Variants in PPWD1 observed in about 807,000 individuals in gnomAD.
PPWD1 encodes peptidylprolyl isomerase domain and WD repeat-containing protein 1.
PPWD1 carries 43 observed loss-of-function variants against 68.8 expected under a neutral mutation model. The observed-to-expected ratio is 0.62, with a 90% confidence interval of 0.49 to 0.81. The LOEUF (loss-of-function observed/expected upper bound fraction) is 0.81. PPWD1 is among the 30% of genes least tolerant of loss of function. The pLI is 0.00. For synonymous variants in PPWD1, 232 were observed against 258.7 expected (o/e 0.90, Z 0.99); for missense variants, 672 against 804.8 (o/e 0.83, Z 2.00).
intron 5 of PPWD1, chr5:65,576,415 C>T: frequency 2.2e-6 from 2 of 889,820 alleles, no homozygotes; most frequent in South Asian, 5.2e-5. Flanking sequence ...CTCACTCTGT[C>T]CCCCAGGCCA....
intron 10 of PPWD1, 37 bp downstream of exon 10, chr5:65,586,218 A>G (rs1471567649): frequency 6.3e-7 from 1 of 1,575,910 alleles, no homozygotes; most frequent in Non-Finnish European, 8.6e-7. Context: ...CTACAGATTG[A>G]TAGGTTATGA....
At chr5:65,582,305 A>G (rs1277781024) in intron 7 of PPWD1, among the ~76,000 whole-genome samples, 2 of 152,186 alleles carry the variant, frequency 1.3e-5, no homozygotes, top group East Asian at 1.9e-4. Flanking sequence ...CTAGACCCCA[A>G]GGATCTGAGA....
In PPWD1 at chr5:65,583,064, G is replaced by C. The variant is rs201915198; in HGVS notation, c.1377G>C (p.Thr459=). The C allele has an allele frequency of 6.3e-7, 1 of 1,597,030 alleles. No homozygotes were observed. Among genetic ancestry groups the C allele is most frequent in the East Asian group, 2.2e-5 (1 of 44,496 alleles). The part of the protein sequence containing the change: ...YMFTKREPED[T]KSADSDRDVF... Reference sequence around the variant, plus strand: ...TTACCAAACGAGAACCAGAAGATACGAAAAGTGCAGATTCTGATCGAGATG... The same window carrying C: ...TTACCAAACGAGAACCAGAAGATACCAAAAGTGCAGATTCTGATCGAGATG... The change falls in exon 8 of 11, where the codon ACG becomes ACC. Residue 459 remains threonine, a synonymous_variant. Transcript: ENST00000261308.
intron 7 of PPWD1, among the ~76,000 whole-genome samples, chr5:65,580,673 C>G (rs1328343225): frequency 2.0e-5 from 3 of 152,068 alleles, no homozygotes; most frequent in East Asian, 1.9e-4. Flanking sequence ...GCCACCATAC[C>G]CAGCTAATTT....
chr5:65,577,507 A>G (rs1259150952), intron 6 of PPWD1, among the ~76,000 whole-genome samples: 1 of 152,240 alleles, frequency 6.6e-6, no homozygotes, highest in Non-Finnish European at 1.5e-5. Flanking sequence ...TCTTAGTACA[A>G]AATAGCTACA....
rs529132123 is a variant in PPWD1 at position 65,563,484 on chromosome 5, A to C, written c.174A>C (p.Ala58=). 19 of 1,612,860 alleles carry C rather than the reference A, an allele frequency of 1.2e-5. No homozygotes were observed. The highest frequency in any genetic ancestry group is 1.6e-5 in the Non-Finnish European group (19 of 1,179,656). Residue 58 remains alanine (A), a synonymous_variant, in exon 1 of 11, where the codon GCA becomes GCC. Coordinates refer to ENST00000261308, the MANE Select transcript of PPWD1 (RefSeq NM_015342.4). ...ERWVGPLPVE[A]TLAKKRKVLE... ...GGGTTGGACCTTTACCTGTGGAGGC[A>C]ACACTGGCCAAGAAGAGGAAAGGTA...
At chr5:65,585,186 T>A in intron 9 of PPWD1, 91 bp downstream of exon 9, 1 of 1,277,826 alleles carries the variant, frequency 7.8e-7, no homozygotes, top group Non-Finnish European at 1.1e-6. Flanking sequence ...CTCTCACACT[T>A]AATCAGTTTA....
chr5:65,564,412 T>C (rs144564157), intron 1 of PPWD1, among the ~76,000 whole-genome samples: 4,507 of 142,652 alleles, frequency 0.032, 221 homozygotes, highest in African/African-American at 0.11. Context: ...CACCGCAACC[T>C]CCGTCTCCGG....
chr5:65,567,545 C>T lies in PPWD1; in HGVS notation c.229C>T (p.Leu77Phe). 4 of 1,611,188 alleles carry T rather than the reference C, an allele frequency of 2.5e-6. No homozygotes were observed. Among genetic ancestry groups the T allele is most frequent in the Non-Finnish European group, 3.4e-6 (4 of 1,178,406 alleles). Residue 77 changes from leucine (L) to phenylalanine (F), a missense_variant, in exon 2 of 11, where the codon CTC (leucine) becomes TTC (phenylalanine). Physicochemically the swap from Leu to Phe is conservative, Grantham distance 22. This residue lies in a region of PPWD1 where 188 missense variants were observed against 158.6 expected (regional missense o/e 1.19). Transcript: ENST00000261308. ...GTTTGAAAGAGTCTATCTTGATAAT[C>T]TCCCCAGTGCATCCATGTATGAGCG... ...LEFERVYLDN[L>F]PSASMYERSY...
chr5:65,577,496 G>T (rs2150601160), intron 6 of PPWD1, among the ~76,000 whole-genome samples: 1 of 152,210 alleles, frequency 6.6e-6, no homozygotes, highest in South Asian at 2.1e-4. Context: ...AGTCCATTTG[G>T]TCTTAGTACA....
chr5:65,587,062 A>ATT, intron 10 of PPWD1, 191 bp from the exon 11 acceptor site: 1 of 275,210 alleles, frequency 3.6e-6, no homozygotes, highest in South Asian at 1.4e-4. Context: ...CTATGCTTCT[A>ATT]TTTTTTTTAA....
Position 65,586,164 on chromosome 5 carries a change from A to G in PPWD1, c.1780A>G (p.Ile594Val), listed in dbSNP as rs376016161. The G allele has an allele frequency of 4.3e-6, 7 of 1,612,998 alleles. No individual in the cohort carries two copies. In the African/African-American group the frequency reaches 5.3e-5, roughly 12 times the overall value. ...GSNTNGSQFF[I>V]TVVPTPWLDN... ...AAATACTAATGGATCCCAGTTTTTC[A>G]TAACGGTAGTACCAACGGTAAGTAC... Residue 594 changes from isoleucine (I) to valine (V), a missense_variant, in exon 10 of 11, where the codon ATA (isoleucine) becomes GTA (valine). By Grantham distance (29) the Ile-to-Val change is conservative (BLOSUM62 3). This residue lies in a region of PPWD1 where 484 missense variants were observed against 646.2 expected (regional missense o/e 0.75). Coordinates refer to ENST00000261308, the MANE Select transcript of PPWD1 (RefSeq NM_015342.4).
At chr5:65,585,958 C>A (rs1753823866) in intron 9 of PPWD1, 41 bp from the exon 10 acceptor site, 1 of 1,594,826 alleles carries the variant, frequency 6.3e-7, no homozygotes, top group Non-Finnish European at 8.5e-7. Context: ...GTACATATAT[C>A]GAAAAGGACA....
chr5:65,563,557 T>G (rs778180237), intron 1 of PPWD1, 51 bp downstream of exon 1: 25 of 1,552,372 alleles, frequency 1.6e-5, no homozygotes, highest in Non-Finnish European at 2.2e-5. Context: ...GTCCGCTGAG[T>G]AGGAGGGTTC....
intron 5 of PPWD1, among the ~76,000 whole-genome samples, chr5:65,573,873 C>T (rs1380708098): frequency 1.3e-5 from 2 of 152,086 alleles, no homozygotes; most frequent in African/African-American, 2.4e-5. Flanking sequence ...TGACTCTAGC[C>T]ATCACTTGTT....
At chr5:65,578,727 T>G (rs551046522) in intron 6 of PPWD1, among the ~76,000 whole-genome samples, 15 of 82,994 alleles carry the variant, frequency 1.8e-4, no homozygotes, top group Non-Finnish European at 3.5e-4. Flanking sequence ...TATATACATA[T>G]ATATATACAT....
chr5:65,583,149 A>T lies in PPWD1; in HGVS notation c.1462A>T (p.Lys488Ter), dbSNP rs200107819. 2 of 1,613,682 alleles carry T rather than the reference A, an allele frequency of 1.2e-6. No homozygotes were observed. Among genetic ancestry groups the T allele is most frequent in the African/African-American group, 1.3e-5 (1 of 75,020 alleles). Residue 488 changes from lysine (K) to a stop codon, truncating the protein, a stop_gained, in exon 8 of 11, where the codon AAA (lysine) becomes TAA (stop). Coordinates refer to ENST00000261308, the MANE Select transcript of PPWD1 (RefSeq NM_015342.4). LOFTEE classifies it high-confidence loss of function. ...VMAATQAEGP[K>*]RVSDSAIIHT... ...GGCAGCTACTCAAGCTGAAGGACCT[A>T]AACGAGTTTCGGACAGTGCCATTAT...
chr5:65,573,869 T>C (rs1310039994), intron 5 of PPWD1, among the ~76,000 whole-genome samples: 1 of 152,140 alleles, frequency 6.6e-6, no homozygotes, highest in Non-Finnish European at 1.5e-5. Flanking sequence ...AGAGTGACTC[T>C]AGCCATCACT....
chr5:65,564,802 A>T (rs1056795913), intron 1 of PPWD1, among the ~76,000 whole-genome samples: 1 of 151,884 alleles, frequency 6.6e-6, no homozygotes, highest in Admixed American at 6.6e-5. Context: ...CTGGATTCCT[A>T]CCCAGATATG....
Sources: allele counts gnomAD v4.1 joint callset (sites outside exome capture counted in the v4.1 genomes callset), GRCh38; gene constraint gnomAD v4.1.1; regional missense constraint gnomAD v4.1.1; transcripts MANE v1.5; gene names NCBI Gene and HGNC (gene_info 2026-07-23, HGNC 2026-07-21).